GPHN: variants seen among roughly 807,000 people sequenced by gnomAD.
The protein encoded by GPHN is gephyrin.
Under a neutral mutation model 95.5 loss-of-function variants are expected in GPHN, and 17 were observed. That is an observed-to-expected ratio of 0.18 (90% confidence interval 0.12 to 0.27). The LOEUF is 0.27. GPHN is among the 10% of genes least tolerant of loss of function. The probability of loss-of-function intolerance (pLI) is 1.00; values close to 1 mark genes in which losing one functional copy is unlikely to be tolerated. For synonymous variants in GPHN, 320 were observed against 322.5 expected, an observed-to-expected ratio of 0.99 and a Z score of 0.08; for missense variants, 660 against 978.1, an observed-to-expected ratio of 0.67 and a Z score of 4.34.
At chr14:67,451,275 C>G in the GPHN span, among the ~76,000 whole-genome samples, 2 of 152,204 alleles carry the variant, frequency 1.3e-5, no homozygotes, top group Non-Finnish European at 2.9e-5. Context: ...AATGTGGAGT[C>G]AGAGCCTCCA....
intron 2 of GPHN, among the ~76,000 whole-genome samples, chr14:66,729,684 T>C (rs780557979): frequency 1.3e-5 from 2 of 152,238 alleles, no homozygotes; most frequent in Non-Finnish European, 2.9e-5. Flanking sequence ...ATTAACTTGA[T>C]ATGAAAATCT....
In GPHN at chr14:67,170,374, CTTAGAT is replaced by C. The variant is rs532372928; in HGVS notation, c.2079+1344_2079+1349del. On this transcript the variant is annotated intron_variant, in intron 21 of 22. Coordinates refer to ENST00000478722, the MANE Select transcript of GPHN (RefSeq NM_020806.5). ...CAAGTCAGAAGTCAGAGTCATAAAGCTTAGATTTAGACAGTCAAACCAATAGTACTG... is the reference window on the plus strand; with the variant it reads ...CAAGTCAGAAGTCAGAGTCATAAAGCTTAGACAGTCAAACCAATAGTACTG... 1.4e-4 allele frequency among the ~76,000 whole-genome samples: 22 copies of C among 152,162 alleles called. No individual in the cohort carries two copies. The East Asian group carries it at 1.9e-3, about 13-fold the overall frequency.
chr14:66,820,964 C>A (rs1013912542), intron 3 of GPHN, among the ~76,000 whole-genome samples: 1 of 152,068 alleles, frequency 6.6e-6, no homozygotes, highest in African/African-American at 2.4e-5. Context: ...AAAGAAATAT[C>A]CTCCACATAA....
chr14:67,341,567 G>T, the GPHN span, among the ~76,000 whole-genome samples: 26 of 150,376 alleles, frequency 1.7e-4, no homozygotes, highest in Admixed American at 1.7e-3. Flanking sequence ...GAGGTGGGGG[G>T]GTCAGCCCCC....
the GPHN span, among the ~76,000 whole-genome samples, chr14:67,256,658 G>A: frequency 4.0e-5 from 6 of 151,732 alleles, no homozygotes; most frequent in African/African-American, 1.2e-4. Context: ...AGTGATTCTC[G>A]TGCCTCAGCC....
chr14:67,330,781 A>G, the GPHN span, among the ~76,000 whole-genome samples: 2 of 152,224 alleles, frequency 1.3e-5, no homozygotes, highest in East Asian at 1.9e-4. Context: ...TCTTTAACAC[A>G]TGAGTTATTT....
At chr14:67,323,006 TAGTA>T in the GPHN span, among the ~76,000 whole-genome samples, 1 of 152,186 alleles carries the variant, frequency 6.6e-6, no homozygotes, top group East Asian at 1.9e-4. Flanking sequence ...GTCTGGCACA[TAGTA>T]AGGCAACTTG....
chr14:67,398,193 T>C, the GPHN span: 1 of 164,114 alleles, frequency 6.1e-6, no homozygotes, highest in East Asian at 1.7e-4. Context: ...AAATTAAGAT[T>C]ATTTTACATA....
the GPHN span, among the ~76,000 whole-genome samples, chr14:67,282,551 T>C: frequency 6.6e-6 from 1 of 152,110 alleles, no homozygotes; most frequent in African/African-American, 2.4e-5. Context: ...ATAATAAAAG[T>C]ACAGGGATGG....
chr14:66,920,360 T>C (rs188259006), intron 6 of GPHN, among the ~76,000 whole-genome samples: 55 of 152,282 alleles, frequency 3.6e-4, no homozygotes, highest in Admixed American at 3.5e-3. Context: ...TATTTATTTT[T>C]AGAGACAGAG....
chr14:67,626,564 G>A, the GPHN span, among the ~76,000 whole-genome samples: 2 of 152,072 alleles, frequency 1.3e-5, no homozygotes, highest in Non-Finnish European at 2.9e-5. Flanking sequence ...CCAGGCTGGA[G>A]TGCAGTGGTG....
intron 13 of GPHN, among the ~76,000 whole-genome samples, chr14:67,109,084 C>T (rs1195468378): frequency 6.6e-6 from 1 of 152,092 alleles, no homozygotes; most frequent in Non-Finnish European, 1.5e-5. Flanking sequence ...CAGCATATTA[C>T]AGTATTACTG....
chr14:67,559,649 A>G, the GPHN span: 2 of 1,606,522 alleles, frequency 1.2e-6, no homozygotes, highest in Non-Finnish European at 1.7e-6. Context: ...TTCAAGAAAA[A>G]GCTGCAAAGA....
chr14:67,042,409 G>A (rs1188223653), intron 10 of GPHN, among the ~76,000 whole-genome samples: 3 of 152,110 alleles, frequency 2.0e-5, no homozygotes, highest in African/African-American at 4.8e-5. Context: ...TTTTGTATAA[G>A]GTGTAAGGAA....
the GPHN span, among the ~76,000 whole-genome samples, chr14:67,452,994 G>C: frequency 1.3e-5 from 2 of 152,120 alleles, no homozygotes; most frequent in African/African-American, 4.8e-5. Flanking sequence ...TACTGTCTAG[G>C]GCATGGGGGT....
At chr14:66,561,631 A>G (rs1254282698) in intron 1 of GPHN, among the ~76,000 whole-genome samples, 1 of 152,142 alleles carries the variant, frequency 6.6e-6, no homozygotes. Context: ...AGTTTATCTT[A>G]TATCTAGTTT....
the GPHN span, among the ~76,000 whole-genome samples, chr14:67,206,252 A>G: frequency 2.0e-5 from 3 of 152,170 alleles, no homozygotes; most frequent in African/African-American, 7.2e-5. Flanking sequence ...TAATCCCAGC[A>G]CTTTGGGAGA....
At chr14:67,421,751 A>T in the GPHN span, among the ~76,000 whole-genome samples, 1 of 152,024 alleles carries the variant, frequency 6.6e-6, no homozygotes, top group Non-Finnish European at 1.5e-5. Context: ...GCCCTCCAAC[A>T]CTTTGCCTCT....
At chr14:66,666,045 GAAC>G (rs1361610194) in intron 1 of GPHN, among the ~76,000 whole-genome samples, 2 of 131,514 alleles carry the variant, frequency 1.5e-5, no homozygotes, top group Non-Finnish European at 3.1e-5. Flanking sequence ...GGTGGGAATT[GAAC>G]AATAACAACA....
Sources: allele counts gnomAD v4.1 joint callset (sites outside exome capture counted in the v4.1 genomes callset), GRCh38; gene constraint gnomAD v4.1.1; transcripts MANE v1.5; gene names NCBI Gene and HGNC (gene_info 2026-07-23, HGNC 2026-07-21).